KDM4C: variants seen among roughly 807,000 people sequenced by gnomAD.
The protein encoded by KDM4C is lysine-specific demethylase 4C.
KDM4C carries 81 observed loss-of-function variants against 129.3 expected under a neutral mutation model. That is an observed-to-expected ratio of 0.63 (90% CI 0.52 to 0.75). KDM4C has a LOEUF of 0.75. KDM4C is among the 30% of genes least tolerant of loss of function. The pLI is 0.00. For synonymous variants in KDM4C, 573 were observed against 456.1 expected, an observed-to-expected ratio of 1.26 and a Z score of -3.26; for missense variants, 1,457 against 1,304.0, an observed-to-expected ratio of 1.12 and a Z score of -1.81.
chr9:7,100,671 A>G (rs1398707066), intron 17 of KDM4C, among the ~76,000 whole-genome samples: 2 of 152,198 alleles, frequency 1.3e-5, no homozygotes, highest in Non-Finnish European at 2.9e-5. Context: ...TGTTAAAAAC[A>G]TTCTGAGTGG....
intron 17 of KDM4C, among the ~76,000 whole-genome samples, chr9:7,058,059 C>A (rs1831111011): frequency 6.6e-6 from 1 of 152,204 alleles, no homozygotes; most frequent in Non-Finnish European, 1.5e-5. Flanking sequence ...ACCCTCTCAT[C>A]TATTTCTGGC....
At chr9:6,749,869 G>A (rs918028784) in intron 1 of KDM4C, among the ~76,000 whole-genome samples, 1 of 149,902 alleles carries the variant, frequency 6.7e-6, no homozygotes, top group African/African-American at 2.5e-5. Context: ...GCCTGTAATC[G>A]CAGCTACTTG....
chr9:6,866,858 G>A (rs1379299372), intron 5 of KDM4C, among the ~76,000 whole-genome samples: 19 of 148,758 alleles, frequency 1.3e-4, no homozygotes, highest in Admixed American at 1.3e-3. Flanking sequence ...TCATATTTGA[G>A]TTCTAGGAAA....
intron 8 of KDM4C, among the ~76,000 whole-genome samples, chr9:6,963,834 C>T (rs1317395727): frequency 1.3e-5 from 2 of 152,200 alleles, no homozygotes; most frequent in Non-Finnish European, 2.9e-5. Flanking sequence ...GTTTCCGCCA[C>T]CCTGACAGTT....
chr9:7,116,128 C>T (rs77763173), intron 18 of KDM4C, among the ~76,000 whole-genome samples: 4,586 of 152,210 alleles, frequency 0.03, 384 homozygotes, highest in East Asian at 0.27. Flanking sequence ...ACCTGGCACT[C>T]GGACGCTTTT....
intron 5 of KDM4C, among the ~76,000 whole-genome samples, chr9:6,867,206 G>C (rs1842176795): frequency 6.6e-6 from 1 of 151,826 alleles, no homozygotes; most frequent in African/African-American, 2.4e-5. Flanking sequence ...AGTAGAGACG[G>C]GGTTTCACCA....
intron 8 of KDM4C, among the ~76,000 whole-genome samples, chr9:6,915,785 TC>T (rs1347365521): frequency 2.0e-5 from 3 of 152,166 alleles, no homozygotes; most frequent in Admixed American, 6.5e-5. Flanking sequence ...GTTTTACACT[TC>T]CAGCTTCCTT....
chr9:7,012,343 CT>C (rs1822871061), intron 13 of KDM4C, among the ~76,000 whole-genome samples: 1 of 152,108 alleles, frequency 6.6e-6, no homozygotes, highest in Non-Finnish European at 1.5e-5. Context: ...TCTCCCAAAT[CT>C]TTTTTGAGTA....
chr9:7,102,028 C>A (rs1363396936), intron 17 of KDM4C, among the ~76,000 whole-genome samples: 2 of 152,112 alleles, frequency 1.3e-5, no homozygotes, highest in African/African-American at 4.8e-5. Flanking sequence ...CAAAGAGATA[C>A]CAAGACAGAA....
intron 8 of KDM4C, among the ~76,000 whole-genome samples, chr9:6,913,228 T>G (rs1267187092): frequency 6.6e-6 from 1 of 152,010 alleles, no homozygotes; most frequent in African/African-American, 2.4e-5. Flanking sequence ...TTCAAAAAAT[T>G]AGCTACCCAG....
chr9:6,964,555 G>A lies in KDM4C; in HGVS notation c.922-16370G>A, dbSNP rs139285124. 3.6e-3 allele frequency among the ~76,000 whole-genome samples: 549 copies of A among 152,144 alleles called. 4 individuals carry two copies. Among genetic ancestry groups the A allele is most frequent in the African/African-American group, 0.012 (478 of 41,498 alleles). ...GAATAGTGCCACAGTAAACATACAT[G>A]TGCATGTGTCTTTATAGAGTTCAAG... On this transcript the variant is annotated intron_variant, in intron 8 of 21. Coordinates refer to ENST00000381309, the MANE Select transcript of KDM4C (RefSeq NM_015061.6).
At chr9:7,096,954 C>G (rs1354570625) in intron 17 of KDM4C, among the ~76,000 whole-genome samples, 5 of 152,186 alleles carry the variant, frequency 3.3e-5, no homozygotes, top group African/African-American at 4.8e-5. Flanking sequence ...CAAGGCCTTT[C>G]AGGATCCCAC....
chr9:6,869,979 T>C (rs978666615), intron 5 of KDM4C, among the ~76,000 whole-genome samples: 1 of 152,222 alleles, frequency 6.6e-6, no homozygotes, highest in African/African-American at 2.4e-5. Context: ...CCATAAGTAA[T>C]GTGAAAATGT....
intron 5 of KDM4C, among the ~76,000 whole-genome samples, chr9:6,875,779 G>A (rs560793903): frequency 3.6e-4 from 55 of 152,244 alleles, no homozygotes; most frequent in African/African-American, 1.2e-3. Flanking sequence ...TTCTACCCCC[G>A]CTACTTACAT....
At chr9:6,738,654 G>C (rs1477439434) in intron 1 of KDM4C, among the ~76,000 whole-genome samples, 3 of 152,072 alleles carry the variant, frequency 2.0e-5, no homozygotes, top group Non-Finnish European at 4.4e-5. Context: ...ACCAAGGCTG[G>C]AGTGCAGTGG....
chr9:6,980,264 A>G (rs1430540722), intron 8 of KDM4C, among the ~76,000 whole-genome samples: 1 of 152,208 alleles, frequency 6.6e-6, no homozygotes, highest in Non-Finnish European at 1.5e-5. Flanking sequence ...ATAACTATGT[A>G]TTCATGAGAA....
chr9:6,909,206 G>A (rs892359205), intron 8 of KDM4C, among the ~76,000 whole-genome samples: 1 of 152,208 alleles, frequency 6.6e-6, no homozygotes, highest in African/African-American at 2.4e-5. Flanking sequence ...CAGAGAGAGG[G>A]GTCTGCTTCT....
In KDM4C at chr9:6,771,387, T is replaced by C. The variant is rs1276116780; in HGVS notation, c.-18+13184T>C. Among the ~76,000 whole-genome samples, 4 of 151,946 alleles carry C rather than the reference T, an allele frequency of 2.6e-5. No homozygotes were observed. In the South Asian group the frequency reaches 6.2e-4, roughly 24 times the overall value. ...AGTGCAATGTTACGATCTCAGCCCA[T>C]TGTAATCTCCACCTCCTGGGTTCAA... On this transcript the variant is annotated intron_variant, in intron 1 of 21. Coordinates refer to ENST00000381309, the MANE Select transcript of KDM4C (RefSeq NM_015061.6).
chr9:6,837,715 G>A (rs1228857245), intron 4 of KDM4C, among the ~76,000 whole-genome samples: 1 of 151,822 alleles, frequency 6.6e-6, no homozygotes, highest in Non-Finnish European at 1.5e-5. Context: ...TCTTTATTCT[G>A]GATACCAAAA....
Sources: allele counts gnomAD v4.1 joint callset (sites outside exome capture counted in the v4.1 genomes callset), GRCh38; gene constraint gnomAD v4.1.1; transcripts MANE v1.5; gene names NCBI Gene and HGNC (gene_info 2026-07-23, HGNC 2026-07-21).